MYRFL: variants seen among roughly 807,000 people sequenced by gnomAD.
MYRFL encodes the protein myelin regulatory factor like.
Under a neutral mutation model 109.4 loss-of-function variants are expected in MYRFL, and 88 were observed. That is an observed-to-expected ratio of 0.80 (90% confidence interval 0.68 to 0.96). MYRFL has a LOEUF of 0.96. Among genes scored for constraint, MYRFL ranks in the 40% least tolerant of loss-of-function variants. MYRFL has a pLI of 0.00. For synonymous variants in MYRFL, 324 were observed against 320.9 expected (o/e 1.01, Z -0.10); for missense variants, 957 against 954.9 (o/e 1.00, Z -0.03).
chr12:69,867,217 G>A (rs546966393), intron 2 of MYRFL, among the ~76,000 whole-genome samples: 1 of 152,168 alleles, frequency 6.6e-6, no homozygotes, highest in Non-Finnish European at 1.5e-5. Flanking sequence ...GTTGAGCTAC[G>A]GTGGTGGGAC....
intron 13 of MYRFL, among the ~76,000 whole-genome samples, chr12:69,914,679 C>T (rs920696732): frequency 3.3e-5 from 5 of 152,176 alleles, no homozygotes; most frequent in African/African-American, 9.7e-5. Context: ...AGGCTACAAC[C>T]TAAGCTCATT....
At chr12:69,932,862 C>CGTGTGTGTGTGTGTGTGT (rs3970822) in intron 16 of MYRFL, among the ~76,000 whole-genome samples, 42 of 149,454 alleles carry the variant, frequency 2.8e-4, no homozygotes, top group African/African-American at 9.8e-4. Context: ...CTGTGCCTTT[C>CGTGTGTGTGTGTGTGTGT]GTGTGTGTGT....
In MYRFL at chr12:69,936,322, A is replaced by G. The variant is rs928887961; in HGVS notation, c.2031A>G (p.Thr677=). The G allele has an allele frequency of 9.8e-6, 15 of 1,536,000 alleles. 1 individual carries two copies. The highest frequency in any genetic ancestry group is 1.3e-5 in the Non-Finnish European group (15 of 1,146,930). ...TSSQEPALLP[T]ASSSAPNTSL... ...CACAGGAGCCAGCTCTGCTGCCCAC[A>G]GCCTCCTCCTCAGGTAAAGGCTTCA... The change falls in exon 18 of 25, where the codon ACA becomes ACG. Residue 677 remains threonine (T), a synonymous_variant. Transcript: ENST00000552032.
At chr12:69,880,917 C>T (rs940539878) in intron 5 of MYRFL, among the ~76,000 whole-genome samples, 2 of 145,858 alleles carry the variant, frequency 1.4e-5, no homozygotes, top group South Asian at 2.2e-4. Flanking sequence ...GTCTTTCATC[C>T]GAGTCATCTA....
intron 2 of MYRFL, among the ~76,000 whole-genome samples, chr12:69,856,672 G>A (rs1025847146): frequency 2.6e-4 from 40 of 152,054 alleles, no homozygotes; most frequent in African/African-American, 9.1e-4. Context: ...ATCATTTCAT[G>A]TACTAGTTCA....
intron 2 of MYRFL, among the ~76,000 whole-genome samples, chr12:69,877,190 A>AT (rs1210780781): frequency 2.2e-4 from 33 of 151,316 alleles, no homozygotes; most frequent in African/African-American, 7.1e-4. Context: ...CGCCTGGCTC[A>AT]TTTTTTGTAT....
At position 69,955,452 on chromosome 12, in the gene MYRFL, GT is replaced by G; in HGVS notation, c.2450+16del. On this transcript the variant is annotated intron_variant, in intron 22 of 24. Transcript: ENST00000552032. ...CTGGAAATAAAGTAAGTGCATGGCT[GT>G]AAAAAACAATTTCATTTTTATCATT... 1.7e-6 allele frequency: 1 copy of G among 581,578 alleles called. No homozygotes were observed. The highest frequency in any genetic ancestry group is 3.0e-6 in the Non-Finnish European group (1 of 330,468). 36.0% of individuals were successfully genotyped at this position (581,578 alleles called of 1,614,324 possible). A position where few individuals can be genotyped will look rare whatever the true frequency, so the allele number is the denominator to read the frequency against.
chr12:69,952,611 A>G (rs994907655), intron 20 of MYRFL, among the ~76,000 whole-genome samples, 188 bp from the exon 21 acceptor site: 1 of 152,152 alleles, frequency 6.6e-6, no homozygotes, highest in African/African-American at 2.4e-5. Context: ...AATAGGTACT[A>G]TAACCCCCCA....
At chr12:69,892,200 T>A (rs145380590) in intron 7 of MYRFL, among the ~76,000 whole-genome samples, 1 of 152,304 alleles carries the variant, frequency 6.6e-6, no homozygotes, top group African/African-American at 2.4e-5. Context: ...GCCACTAATT[T>A]AGTCAACGCC....
intron 2 of MYRFL, among the ~76,000 whole-genome samples, chr12:69,857,247 C>A (rs1013062185): frequency 6.6e-6 from 1 of 151,842 alleles, no homozygotes; most frequent in African/African-American, 2.4e-5. Context: ...TTTGCCAACA[C>A]AACATTATCT....
At chr12:69,936,087 T>C (rs1038217604) in intron 16 of MYRFL, 26 bp from the exon 17 acceptor site, 1 of 1,331,338 alleles carries the variant, frequency 7.5e-7, no homozygotes, top group Non-Finnish European at 9.7e-7. Context: ...TGTTTTTTTT[T>C]TTTTTTTTTT....
At chr12:69,833,417 G>A (rs118100283) in intron 1 of MYRFL, among the ~76,000 whole-genome samples, 10 of 152,194 alleles carry the variant, frequency 6.6e-5, no homozygotes, top group East Asian at 3.9e-4. Flanking sequence ...AAAGGATTTC[G>A]TGCAGTGGGG....
At chr12:69,934,474 C>T (rs779491562) in intron 16 of MYRFL, among the ~76,000 whole-genome samples, 2 of 152,202 alleles carry the variant, frequency 1.3e-5, no homozygotes, top group Non-Finnish European at 2.9e-5. Flanking sequence ...GGCTTTGTCA[C>T]ATGGGGCAGC....
chr12:69,837,065 C>T (rs927488312), intron 1 of MYRFL, among the ~76,000 whole-genome samples: 6 of 152,004 alleles, frequency 3.9e-5, no homozygotes, highest in Admixed American at 3.9e-4. Context: ...TGAGCCTTAA[C>T]AAATTGACAG....
chr12:69,825,632 TC>T, intron 1 of MYRFL, 69 bp downstream of exon 1: 5 of 682,950 alleles, frequency 7.3e-6, no homozygotes, highest in Non-Finnish European at 1.3e-5. Flanking sequence ...TTTCACCTTT[TC>T]CGTATTCACT....
chr12:69,864,734 C>T (rs1026855008), intron 2 of MYRFL, among the ~76,000 whole-genome samples: 1 of 151,708 alleles, frequency 6.6e-6, no homozygotes, highest in African/African-American at 2.4e-5. Flanking sequence ...TCTGAGCTGG[C>T]TGTTCTGTGC....
chr12:69,862,914 G>C (rs569586247), intron 2 of MYRFL, among the ~76,000 whole-genome samples: 1 of 152,122 alleles, frequency 6.6e-6, no homozygotes, highest in Admixed American at 6.5e-5. Context: ...ATTATTTTGA[G>C]ATAGGTCCCA....
At chr12:69,921,568 G>C (rs1954914365) in intron 13 of MYRFL, among the ~76,000 whole-genome samples, 1 of 152,156 alleles carries the variant, frequency 6.6e-6, no homozygotes, top group Non-Finnish European at 1.5e-5. Context: ...ATTTCAGTAA[G>C]AGTCAACCCC....
intron 16 of MYRFL, among the ~76,000 whole-genome samples, chr12:69,932,883 T>TGTGTTTG (rs1555257501): frequency 7.6e-5 from 4 of 52,608 alleles, no homozygotes; most frequent in Non-Finnish European, 1.5e-4. Context: ...GTGTGTGTGT[T>TGTGTTTG]TGTGTGTGTG....
Sources: allele counts gnomAD v4.1 joint callset (sites outside exome capture counted in the v4.1 genomes callset), GRCh38; gene constraint gnomAD v4.1.1; transcripts MANE v1.5; gene names NCBI Gene and HGNC (gene_info 2026-07-23, HGNC 2026-07-21).